GSG1L: variants seen among roughly 807,000 people sequenced by gnomAD.
The protein encoded by GSG1L is germ cell-specific gene 1-like protein.
GSG1L carries 24 observed loss-of-function variants against 42.1 expected under a neutral mutation model. That is an observed-to-expected ratio of 0.57 (90% CI 0.41 to 0.80). GSG1L has a LOEUF of 0.80. Among genes scored for constraint, GSG1L ranks in the 30% least tolerant of loss-of-function variants. The pLI is 0.00. For missense variants in GSG1L, 445 were observed against 472.2 expected, an observed-to-expected ratio of 0.94 and a Z score of 0.53; for synonymous variants, 215 against 203.5, an observed-to-expected ratio of 1.06 and a Z score of -0.48.
intron 5 of GSG1L, among the ~76,000 whole-genome samples, chr16:27,825,740 C>G (rs887907917): frequency 1.5e-5 from 2 of 137,646 alleles, no homozygotes; most frequent in African/African-American, 5.8e-5. Flanking sequence ...GTAATTGAAT[C>G]ATGGGGACAG....
At chr16:27,986,042 G>A (rs1378856921) in intron 1 of GSG1L, among the ~76,000 whole-genome samples, 1 of 152,086 alleles carries the variant, frequency 6.6e-6, no homozygotes, top group Non-Finnish European at 1.5e-5. Context: ...AGGCTTTTGG[G>A]AGTACCAGGG....
intron 2 of GSG1L, among the ~76,000 whole-genome samples, chr16:27,954,865 AC>A (rs2084987930): frequency 6.6e-6 from 1 of 152,126 alleles, no homozygotes; most frequent in Non-Finnish European, 1.5e-5. Context: ...TCACTATGTT[AC>A]CTGGGCTGGT....
chr16:27,885,863 G>T (rs1029082824), intron 2 of GSG1L, among the ~76,000 whole-genome samples: 5 of 152,194 alleles, frequency 3.3e-5, no homozygotes, highest in African/African-American at 1.2e-4. Flanking sequence ...CCCTGAGATA[G>T]CACAGCTCCC....
chr16:27,846,049 C>T lies in GSG1L; in HGVS notation c.551-988G>A, dbSNP rs1023830356. On this transcript the variant is annotated intron_variant, in intron 3 of 6. Coordinates refer to ENST00000447459, the MANE Select transcript of GSG1L (RefSeq NM_001109763.2). ...TCCTAAGTAGCTGGGACTACAAGCACGCACCACCACACCTGGCTAATTTTT... is the reference window on the plus strand; with the variant it reads ...TCCTAAGTAGCTGGGACTACAAGCATGCACCACCACACCTGGCTAATTTTT... Among the ~76,000 whole-genome samples, 11 of 152,128 alleles carry T rather than the reference C, an allele frequency of 7.2e-5. No individual in the cohort carries two copies. The East Asian group carries it at 7.7e-4, about 11-fold the overall frequency.
rs2086366873 is a variant in GSG1L at position 28,063,274 on chromosome 16, T to A, written c.151A>T (p.Asn51Tyr). The change falls in exon 1 of 7, where the codon AAC becomes TAC. Residue 51 changes from asparagine (N) to tyrosine (Y), a missense_variant. Physicochemically the swap from Asn to Tyr is moderately radical, Grantham distance 143. Coordinates refer to ENST00000447459, the MANE Select transcript of GSG1L (RefSeq NM_001109763.2). This position sits in a 1 kb window ranked among gnomAD's most constrained non-coding sequence, Gnocchi z 5.8. The stretch of plus-strand genomic sequence containing the variant: ...GCGTTGGCGCCCGAGTTGGGGCAGT[T>A]GGCGCGCCCGCCCTGGCCGCAGCCC... ...KPGCGQGGRA[N>Y]CPNSGANATA... The A allele has an allele frequency of 7.3e-7, 1 of 1,362,360 alleles. No individual in the cohort carries two copies. Among genetic ancestry groups the A allele is most frequent in the Non-Finnish European group, 9.5e-7 (1 of 1,049,046 alleles). The allele number at this position is 1,362,360 out of a possible 1,614,324, so 84.4% of individuals were successfully genotyped here. A position where few individuals can be genotyped will look rare whatever the true frequency, so the allele number is the denominator to read the frequency against.
intron 5 of GSG1L, among the ~76,000 whole-genome samples, chr16:27,818,275 T>A (rs1436896252): frequency 6.6e-6 from 1 of 152,204 alleles, no homozygotes; most frequent in Non-Finnish European, 1.5e-5. Flanking sequence ...GAACATTCCT[T>A]CCAGATTCCT....
chr16:27,958,122 G>A (rs866953120), intron 2 of GSG1L, among the ~76,000 whole-genome samples: 8 of 152,204 alleles, frequency 5.3e-5, no homozygotes, highest in Middle Eastern at 6.8e-3. Context: ...ATCAGTCACA[G>A]GCCAGGCACG....
chr16:27,947,756 G>T lies in GSG1L; in HGVS notation c.397+15400C>A, dbSNP rs116804695. 1.6e-3 allele frequency among the ~76,000 whole-genome samples: 239 copies of T among 152,246 alleles called. 1 individual carries two copies. Among genetic ancestry groups the T allele is most frequent in the African/African-American group, 5.6e-3 (234 of 41,542 alleles). On this transcript the variant is annotated intron_variant, in intron 2 of 6. Transcript: ENST00000447459. ...CCTATTTCTTAAGGACCGGTATGCA[G>T]GAGGCATACTTCATATGCTCAGTCC...
intron 2 of GSG1L, among the ~76,000 whole-genome samples, chr16:27,913,552 C>T (rs947638314): frequency 6.6e-6 from 1 of 152,180 alleles, no homozygotes; most frequent in African/African-American, 2.4e-5. Context: ...TGTCAAACTA[C>T]AGCCTATGGG....
rs74466116 is a variant in GSG1L at position 27,879,327 on chromosome 16, A to G, written c.550+5159T>C. Among the ~76,000 whole-genome samples, 40 of 152,338 alleles carry G rather than the reference A, an allele frequency of 2.6e-4. No individual in the cohort carries two copies. The East Asian group carries it at 6.9e-3, about 26-fold the overall frequency. ...ATCCAAGGATGCTCAAGTCCCTGAT[A>G]TAATTTGGGGCCCACGCCTGTAATC... On this transcript the variant is annotated intron_variant, in intron 3 of 6. Coordinates refer to ENST00000447459, the MANE Select transcript of GSG1L (RefSeq NM_001109763.2).
chr16:28,036,477 G>A (rs1423274523), intron 1 of GSG1L, among the ~76,000 whole-genome samples: 7 of 147,984 alleles, frequency 4.7e-5, no homozygotes, highest in African/African-American at 1.5e-4. Context: ...TGGTCTGGGG[G>A]ACAACTCAGG....
At chr16:27,949,648 C>G (rs185212717) in intron 2 of GSG1L, among the ~76,000 whole-genome samples, 38 of 151,720 alleles carry the variant, frequency 2.5e-4, no homozygotes, top group African/African-American at 9.2e-4. Flanking sequence ...CATGACAGGC[C>G]GGCGCAGTGG....
At chr16:27,927,975 T>C (rs2084614527) in intron 2 of GSG1L, among the ~76,000 whole-genome samples, 1 of 152,192 alleles carries the variant, frequency 6.6e-6, no homozygotes, top group Admixed American at 6.5e-5. Context: ...TCGTGCTTTA[T>C]CATCATTTCC....
At chr16:28,055,766 G>C (rs868583294) in intron 1 of GSG1L, among the ~76,000 whole-genome samples, 9 of 152,090 alleles carry the variant, frequency 5.9e-5, no homozygotes, top group Admixed American at 2.6e-4. Context: ...CACCACGCCC[G>C]GCCCATTCCC....
intron 3 of GSG1L, among the ~76,000 whole-genome samples, chr16:27,868,354 C>G (rs2083758591): frequency 6.6e-6 from 1 of 152,254 alleles, no homozygotes; most frequent in African/African-American, 2.4e-5. Context: ...TTCTAACACT[C>G]CAACTCATTC....
At chr16:27,899,468 G>T (rs1020856914) in intron 2 of GSG1L, among the ~76,000 whole-genome samples, 6 of 152,180 alleles carry the variant, frequency 3.9e-5, no homozygotes, top group Non-Finnish European at 7.3e-5. Flanking sequence ...TGTAATCCTG[G>T]TATTTTGGGA....
chr16:27,955,246 C>A (rs977695493), intron 2 of GSG1L, among the ~76,000 whole-genome samples: 3 of 151,432 alleles, frequency 2.0e-5, no homozygotes, highest in African/African-American at 7.3e-5. Flanking sequence ...GTCCATAAAA[C>A]AAAAGCAGGA....
intron 1 of GSG1L, among the ~76,000 whole-genome samples, chr16:28,014,919 C>A (rs537840494): frequency 7.2e-5 from 11 of 152,330 alleles, no homozygotes; most frequent in Non-Finnish European, 1.3e-4. Flanking sequence ...GGGAAAGGAG[C>A]TGCTCTCAGT....
At chr16:27,806,965 C>T (rs1037345231) in intron 6 of GSG1L, among the ~76,000 whole-genome samples, 1 of 152,174 alleles carries the variant, frequency 6.6e-6, no homozygotes, top group Non-Finnish European at 1.5e-5. Flanking sequence ...CAAGATCTGA[C>T]CATTTTAACT....
Sources: gnomAD v4.1 joint callset for allele counts (sites outside exome capture counted in the v4.1 genomes callset) on GRCh38, gnomAD v4.1.1 for gene constraint, Gnocchi (gnomAD v3.1) non-coding constraint, MANE v1.5 for transcripts, NCBI Gene and HGNC (gene_info 2026-07-23, HGNC 2026-07-21) for gene names.